The following ESRRG variants were observed in gnomAD, a reference collection of about 807,000 sequenced individuals.
The protein encoded by ESRRG is estrogen related receptor gamma, also known as estrogen-related receptor gamma.
In ESRRG, 13 loss-of-function variants were observed where a neutral mutation model predicts 44.0. The observed-to-expected ratio is 0.30, with a 90% CI of 0.19 to 0.47. ESRRG has a LOEUF of 0.47. ESRRG is among the 20% of genes least tolerant of loss of function. The probability of loss-of-function intolerance (pLI) is 1.00; values close to 1 mark genes in which losing one functional copy is unlikely to be tolerated. For missense variants in ESRRG, 395 were observed against 580.6 expected (o/e 0.68, Z 3.29); for synonymous variants, 215 against 214.6 (o/e 1.00, Z -0.02).
intron 1 of ESRRG, among the ~76,000 whole-genome samples, chr1:217,132,102 G>T (rs551089884): frequency 7.9e-5 from 12 of 152,170 alleles, no homozygotes; most frequent in Admixed American, 5.9e-4. Context: ...GAAAGGAATT[G>T]TTCCAACTTT....
At chr1:216,785,360 G>A (rs1049621612) in intron 2 of ESRRG, among the ~76,000 whole-genome samples, 2 of 151,968 alleles carry the variant, frequency 1.3e-5, no homozygotes, top group African/African-American at 4.8e-5. Context: ...AGCTGAGCAG[G>A]GTGTAGGAAT....
intron 1 of ESRRG, among the ~76,000 whole-genome samples, chr1:217,028,808 AGCCTCTATCCT>A (rs2081589734): frequency 6.6e-6 from 1 of 152,174 alleles, no homozygotes; most frequent in African/African-American, 2.4e-5. Context: ...GGCTCTGTCT[AGCCTCTATCCT>A]GCCTTGTACT....
rs3040899 is a variant in ESRRG at position 216,542,072 on chromosome 1, C to CAGAGAGAG, written c.862+22139_862+22146dup. Among the ~76,000 whole-genome samples the CAGAGAGAG allele has an allele frequency of 5.7e-3, 796 of 139,910 alleles. 4 individuals carry two copies. The highest frequency in any genetic ancestry group is 0.011 in the Middle Eastern group (3 of 272). 91.8% of individuals were successfully genotyped at this position (139,910 alleles called of 152,430 possible). ...GTGGGTATAAGGTGTGTGTCTATGA[C>CAGAGAGAG]AGAGAGAGAGAGAGAGAGAGAGAGA... On this transcript the variant is annotated intron_variant, in intron 5 of 6. Coordinates refer to ENST00000408911, the MANE Select transcript of ESRRG (RefSeq NM_001438.4).
chr1:217,117,553 C>G (rs2092746995), intron 1 of ESRRG, among the ~76,000 whole-genome samples: 3 of 151,930 alleles, frequency 2.0e-5, no homozygotes, highest in Admixed American at 2.0e-4. Flanking sequence ...CCACTGCATT[C>G]CAGCCTGGAT....
intron 1 of ESRRG, among the ~76,000 whole-genome samples, chr1:216,696,727 T>G (rs1438873944): frequency 1.3e-5 from 2 of 152,122 alleles, no homozygotes; most frequent in African/African-American, 4.8e-5. Context: ...GAGCTAGATA[T>G]TAGAACTTCC....
At position 216,628,518 on chromosome 1, in the gene ESRRG, G is replaced by C. The variant is rs563084744; in HGVS notation, c.589+22455C>G. Among the ~76,000 whole-genome samples the C allele has an allele frequency of 2.0e-5, 3 of 152,250 alleles. No individual in the cohort carries two copies. The South Asian group carries it at 6.2e-4, about 32-fold the overall frequency. On this transcript the variant is annotated intron_variant, in intron 3 of 6. Coordinates refer to ENST00000408911, the MANE Select transcript of ESRRG (RefSeq NM_001438.4). ...TGAGAAATATGTGAATAAACATGGG[G>C]CCAATTATTATCATCAAATGAATAA...
intron 1 of ESRRG, among the ~76,000 whole-genome samples, chr1:217,046,152 C>T (rs983984418): frequency 1.3e-5 from 2 of 150,306 alleles, no homozygotes; most frequent in Non-Finnish European, 3.0e-5. Context: ...GCCTAAGCTG[C>T]ACATTCCTTT....
At chr1:216,981,360 C>T (rs765253539) in intron 1 of ESRRG, among the ~76,000 whole-genome samples, 225 of 152,266 alleles carry the variant, frequency 1.5e-3, no homozygotes, top group African/African-American at 2.4e-3. Context: ...CAAACAATCT[C>T]AGTCCCTAAC....
At chr1:217,021,949 C>T (rs1024595036) in intron 1 of ESRRG, among the ~76,000 whole-genome samples, 1 of 152,140 alleles carries the variant, frequency 6.6e-6, no homozygotes, top group Non-Finnish European at 1.5e-5. Context: ...CCCATCTTTT[C>T]TCTTTTCCCC....
At chr1:217,093,429 T>A (rs1159850970), upstream of ESRRG, among the ~76,000 whole-genome samples, 1 of 151,940 alleles carries the variant, frequency 6.6e-6, no homozygotes, top group African/African-American at 2.4e-5. Flanking sequence ...GACAAGTTTA[T>A]GTCTCTAATT....
At chr1:216,605,546 T>G (rs11799377) in intron 3 of ESRRG, among the ~76,000 whole-genome samples, 3,956 of 152,294 alleles carry the variant, frequency 0.026, 188 homozygotes, top group African/African-American at 0.091. Context: ...AAGAGGATTA[T>G]ATCTAAAAAT....
intron 3 of ESRRG, among the ~76,000 whole-genome samples, chr1:216,574,715 T>G (rs1217499722): frequency 6.6e-6 from 1 of 152,092 alleles, no homozygotes; most frequent in African/African-American, 2.4e-5. Flanking sequence ...GTAATAATAA[T>G]TTTGAAAAGA....
Position 216,722,092 on chromosome 1 carries a change from G to A in ESRRG, c.56+1152C>T, listed in dbSNP as rs529181868. Among the ~76,000 whole-genome samples, 7 of 152,232 alleles carry A rather than the reference G, an allele frequency of 4.6e-5. No individual in the cohort carries two copies. In the East Asian group the frequency reaches 1.2e-3, roughly 25 times the overall value. On this transcript the variant is annotated intron_variant, in intron 1 of 6. Coordinates refer to ENST00000408911, the MANE Select transcript of ESRRG (RefSeq NM_001438.4). ...TTTTCATCTCTTACTTAATTACAAAGCAATGCAATATGCAGTCACTAAGGA... is the reference window on the plus strand; with the variant it reads ...TTTTCATCTCTTACTTAATTACAAAACAATGCAATATGCAGTCACTAAGGA...
At chr1:216,997,434 A>G (rs1579254500) in intron 1 of ESRRG, among the ~76,000 whole-genome samples, 2 of 152,214 alleles carry the variant, frequency 1.3e-5, no homozygotes, top group Non-Finnish European at 2.9e-5. Context: ...CCAGATGTAC[A>G]GAAAAAGAAT....
At chr1:216,854,350 CATCAA>C (rs2095887078) in intron 2 of ESRRG, among the ~76,000 whole-genome samples, 1 of 47,720 alleles carries the variant, frequency 2.1e-5, no homozygotes, top group African/African-American at 9.8e-5. Flanking sequence ...AGCAAGACAC[CATCAA>C]AAAAAAAAAA....
chr1:216,652,856 T>C (rs2069351864), intron 2 of ESRRG, among the ~76,000 whole-genome samples: 1 of 152,124 alleles, frequency 6.6e-6, no homozygotes, highest in Non-Finnish European at 1.5e-5. Context: ...GGTTAATTAG[T>C]ATTCTACTAC....
At chr1:216,528,156 A>G (rs1483956797) in intron 5 of ESRRG, among the ~76,000 whole-genome samples, 1 of 152,226 alleles carries the variant, frequency 6.6e-6, no homozygotes, top group African/African-American at 2.4e-5. Flanking sequence ...AAATACATCA[A>G]CATATAACAA....
intron 2 of ESRRG, among the ~76,000 whole-genome samples, chr1:216,736,951 C>G (rs1439091844): frequency 1.3e-5 from 2 of 152,136 alleles, no homozygotes; most frequent in African/African-American, 4.8e-5. Context: ...ATAAATGGCT[C>G]AGAATTCGCT....
In ESRRG at chr1:216,576,845, GTT is replaced by G. The variant is rs2061769696; in HGVS notation, c.590-8749_590-8748del. ...TTATGTCATCTGCAACAGGTGACAA[GTT>G]TTAATTGAATGTCTTCTGTCTGCAA... On this transcript the variant is annotated intron_variant, in intron 3 of 6. Transcript: ENST00000408911. 1.5e-4 allele frequency among the ~76,000 whole-genome samples: 23 copies of G among 149,098 alleles called. No homozygotes were observed. The South Asian group carries it at 4.9e-3, about 32-fold the overall frequency.
Sources: gnomAD v4.1 joint callset for allele counts (sites outside exome capture counted in the v4.1 genomes callset) on GRCh38, gnomAD v4.1.1 for gene constraint, MANE v1.5 for transcripts, NCBI Gene and HGNC (gene_info 2026-07-23, HGNC 2026-07-21) for gene names.